CSMD1: variants seen among roughly 807,000 people sequenced by gnomAD.
CSMD1 encodes CUB and sushi domain-containing protein 1.
CSMD1 carries 213 observed loss-of-function variants against 417.5 expected under a neutral mutation model. The ratio of observed to expected loss-of-function variants is 0.51; its 90% CI spans 0.46 to 0.57. CSMD1 has a LOEUF of 0.57. Ranked by LOEUF, CSMD1 falls within the 20% of genes least tolerant of loss-of-function variation. The probability of loss-of-function intolerance (pLI) is 0.00; values close to 1 mark genes in which losing one functional copy is unlikely to be tolerated. For synonymous variants in CSMD1, 2,862 were observed against 1,736.8 expected (o/e 1.65, Z -16.11); for missense variants, 6,923 against 4,529.7 (o/e 1.53, Z -15.17).
At chr8:3,331,783 G>C (rs182924650) in intron 23 of CSMD1, among the ~76,000 whole-genome samples, 1 of 152,272 alleles carries the variant, frequency 6.6e-6, no homozygotes, top group African/African-American at 2.4e-5. Flanking sequence ...TAAAGTTACC[G>C]TGTGAATGAT....
chr8:3,814,548 G>C (rs893416857), intron 5 of CSMD1, among the ~76,000 whole-genome samples: 21 of 152,178 alleles, frequency 1.4e-4, no homozygotes, highest in African/African-American at 5.1e-4. Flanking sequence ...GCCTGTGGTT[G>C]TGATATCAGG....
At chr8:3,733,377 A>T (rs143674968) in intron 6 of CSMD1, among the ~76,000 whole-genome samples, 2 of 147,974 alleles carry the variant, frequency 1.4e-5, no homozygotes, top group South Asian at 4.2e-4. Context: ...TATAAAATAT[A>T]ATATATATTA....
rs1448988272 is a variant in CSMD1, at chr8:4,082,468, C to T, written c.416-50369G>A. 2.0e-5 allele frequency among the ~76,000 whole-genome samples: 3 copies of T among 152,006 alleles called. No homozygotes were observed. In the East Asian group the frequency reaches 5.8e-4, roughly 29 times the overall value. ...AAGGGCAAAGATTGCCTAAGTAGTT[C>T]TAGGAGATTAACGTAATTTTGATAA... On this transcript the variant is annotated intron_variant, in intron 3 of 69. Transcript: ENST00000635120.
chr8:4,350,220 C>T (rs1041315565), intron 3 of CSMD1, among the ~76,000 whole-genome samples: 2 of 152,090 alleles, frequency 1.3e-5, no homozygotes, highest in African/African-American at 4.8e-5. Flanking sequence ...GTCAAGCGTC[C>T]AGGCACCTGC....
At position 4,921,104 on chromosome 8, in the gene CSMD1, G is replaced by A. The variant is rs527793152; in HGVS notation, c.85+73228C>T. Among the ~76,000 whole-genome samples, 25 of 150,626 alleles carry A rather than the reference G, an allele frequency of 1.7e-4. No individual in the cohort carries two copies. In the East Asian group the frequency reaches 4.9e-3, roughly 29 times the overall value. On this transcript the variant is annotated intron_variant, in intron 1 of 69. Coordinates refer to ENST00000635120, the MANE Select transcript of CSMD1 (RefSeq NM_033225.6). ...AGAAAGAAAGAAAAAGAAAAAAGAA[G>A]AAAGAAAGAAAGAAAAGAAAAGAAA...
intron 1 of CSMD1, among the ~76,000 whole-genome samples, chr8:4,785,256 G>T (rs980192295): frequency 1.3e-5 from 2 of 152,158 alleles, no homozygotes; most frequent in Admixed American, 1.3e-4. Flanking sequence ...ATGAGGAGGT[G>T]AACATTGGCA....
At chr8:3,542,574 G>C (rs1387932203) in intron 10 of CSMD1, among the ~76,000 whole-genome samples, 1 of 152,208 alleles carries the variant, frequency 6.6e-6, no homozygotes, top group Non-Finnish European at 1.5e-5. Flanking sequence ...AGACAGGAAA[G>C]AGCGTACGTG....
chr8:3,708,315 G>C, intron 7 of CSMD1, 99 bp downstream of exon 7: 1 of 884,432 alleles, frequency 1.1e-6, no homozygotes, highest in Non-Finnish European at 1.9e-6. Context: ...AAGAGATAAC[G>C]TGGGGAAGGT....
At chr8:4,501,431 G>A (rs1802254346) in intron 2 of CSMD1, among the ~76,000 whole-genome samples, 1 of 152,116 alleles carries the variant, frequency 6.6e-6, no homozygotes, top group Non-Finnish European at 1.5e-5. Context: ...AGACTTTGAA[G>A]AAGTCGAGGT....
At chr8:4,450,658 G>T (rs538609679) in intron 2 of CSMD1, among the ~76,000 whole-genome samples, 19 of 152,240 alleles carry the variant, frequency 1.2e-4, no homozygotes, top group African/African-American at 4.6e-4. Context: ...GTACTTTGAT[G>T]CAGTATCCAC....
chr8:4,937,826 T>A lies in CSMD1; in HGVS notation c.85+56506A>T, dbSNP rs530111579. Among the ~76,000 whole-genome samples the A allele has an allele frequency of 7.9e-5, 12 of 152,210 alleles. No individual in the cohort carries two copies. In the East Asian group the frequency reaches 1.7e-3, roughly 22 times the overall value. On this transcript the variant is annotated intron_variant, in intron 1 of 69. Transcript: ENST00000635120. ...CACACAACTACAAAGTGTCAGAATT[T>A]TAATCACACAGGAAATCTACATTCG...
intron 3 of CSMD1, among the ~76,000 whole-genome samples, chr8:4,260,548 T>C (rs564450264): frequency 6.6e-6 from 1 of 152,202 alleles, no homozygotes; most frequent in African/African-American, 2.4e-5. Flanking sequence ...CCAGAATACC[T>C]GGATTTTATT....
chr8:4,111,191 T>G (rs944087548), intron 3 of CSMD1, among the ~76,000 whole-genome samples: 9 of 152,170 alleles, frequency 5.9e-5, no homozygotes, highest in Non-Finnish European at 1.0e-4. Flanking sequence ...ATATTTTTGT[T>G]GATATTTGTG....
chr8:2,945,824 A>T (rs1168869907), intron 68 of CSMD1, among the ~76,000 whole-genome samples: 1 of 152,084 alleles, frequency 6.6e-6, no homozygotes, highest in African/African-American at 2.4e-5. Flanking sequence ...ATGATAAATC[A>T]AACAGTGTTT....
At chr8:4,678,887 T>C (rs756338475) in intron 1 of CSMD1, among the ~76,000 whole-genome samples, 2 of 152,222 alleles carry the variant, frequency 1.3e-5, no homozygotes, top group Non-Finnish European at 2.9e-5. Flanking sequence ...GTAAAAAGTT[T>C]ACAAACAGTA....
chr8:4,647,069 G>A (rs2617042), intron 1 of CSMD1, among the ~76,000 whole-genome samples: 111,323 of 151,968 alleles, frequency 0.73, 41,275 homozygotes, highest in African/African-American at 0.83. Flanking sequence ...AGCAAAGTCA[G>A]TTCTTAAGGG....
rs113300898 is a variant in CSMD1 at position 4,330,553 on chromosome 8, G to C, written c.415+89400C>G. ...TACAGTAAGCCAAGATCACACCACAGCACTTCAGCCTGGGCAACAGAGTGA... is the reference window on the plus strand; with the variant it reads ...TACAGTAAGCCAAGATCACACCACACCACTTCAGCCTGGGCAACAGAGTGA... On this transcript the variant is annotated intron_variant, in intron 3 of 69. Coordinates refer to ENST00000635120, the MANE Select transcript of CSMD1 (RefSeq NM_033225.6). Among the ~76,000 whole-genome samples the C allele has an allele frequency of 5.9e-4, 89 of 149,898 alleles. 1 individual carries two copies. The highest frequency in any genetic ancestry group is 9.3e-4 in the Non-Finnish European group (63 of 67,694).
intron 3 of CSMD1, among the ~76,000 whole-genome samples, chr8:4,076,942 A>T (rs1448775925): frequency 6.6e-6 from 1 of 152,192 alleles, no homozygotes; most frequent in Non-Finnish European, 1.5e-5. Context: ...AAAAAATCTT[A>T]CACAAGGATA....
At chr8:3,732,383 C>G (rs967991361) in intron 6 of CSMD1, among the ~76,000 whole-genome samples, 3 of 152,110 alleles carry the variant, frequency 2.0e-5, no homozygotes, top group South Asian at 4.1e-4. Flanking sequence ...TTGTCAAGGA[C>G]TTTTTCTAGC....
Sources: allele counts gnomAD v4.1 joint callset (sites outside exome capture counted in the v4.1 genomes callset), GRCh38; gene constraint gnomAD v4.1.1; transcripts MANE v1.5; gene names NCBI Gene and HGNC (gene_info 2026-07-23, HGNC 2026-07-21).